Variants in ANKMY1 observed in about 807,000 individuals in gnomAD.
ANKMY1 encodes ankyrin repeat and MYND domain-containing protein 1.
A neutral mutation model predicts 102.0 loss-of-function variants in ANKMY1; 98 were observed. The ratio of observed to expected loss-of-function variants is 0.96; its 90% CI spans 0.82 to 1.14. The LOEUF is 1.14. ANKMY1 is among the 50% of genes most tolerant of loss of function. ANKMY1 has a pLI of 0.00. For missense variants in ANKMY1, 1,330 were observed against 1,347.6 expected (o/e 0.99, Z 0.20); for synonymous variants, 582 against 559.9 (o/e 1.04, Z -0.56).
rs775454913 is a variant in ANKMY1, at chr2:240,533,237, A to T, written c.481-3728T>A. On this transcript the variant is annotated intron_variant, in intron 4 of 17. Transcript: ENST00000401804. ...ATAATGTGAAAACAAGATTTTTTTT[A>T]AAATACCATATCGACCCAAATGAAG... 1.2e-4 allele frequency among the ~76,000 whole-genome samples: 19 copies of T among 152,322 alleles called. 1 individual carries two copies. Among genetic ancestry groups the T allele is most frequent in the South Asian group, 8.3e-4 (4 of 4,830 alleles).
At chr2:240,536,763 T>C (rs1035512805) in intron 4 of ANKMY1, among the ~76,000 whole-genome samples, 1 of 152,264 alleles carries the variant, frequency 6.6e-6, no homozygotes, top group African/African-American at 2.4e-5. Context: ...ATCAGGCAGT[T>C]AATAAAAAGA....
the ANKMY1 span, among the ~76,000 whole-genome samples, chr2:240,469,114 A>ACGCATTTGG: frequency 6.6e-6 from 1 of 152,172 alleles, no homozygotes; most frequent in Non-Finnish European, 1.5e-5. Context: ...GTTGTGGACA[A>ACGCATTTGG]CGCATTTGGT....
chr2:240,525,009 G>C (rs2083069415), intron 7 of ANKMY1, among the ~76,000 whole-genome samples: 1 of 152,242 alleles, frequency 6.6e-6, no homozygotes, highest in African/African-American at 2.4e-5. Flanking sequence ...CTTGAAAACT[G>C]TATTTGTTTT....
In ANKMY1 at chr2:240,499,865, C is replaced by T; in HGVS notation, c.2806+93G>A. 9.7e-6 allele frequency: 14 copies of T among 1,450,204 alleles called. No individual in the cohort carries two copies. The highest frequency in any genetic ancestry group is 8.5e-5 in the South Asian group (6 of 70,544). The allele number at this position is 1,450,204 out of a possible 1,614,324, so 89.8% of individuals were successfully genotyped here. A position where few individuals can be genotyped will look rare whatever the true frequency, so the allele number is the denominator to read the frequency against. On this transcript the variant is annotated intron_variant, in intron 15 of 17. Transcript: ENST00000401804. This position sits in a 1 kb window ranked among gnomAD's most constrained non-coding sequence, Gnocchi z 4.2. ...GCCCCAGGAAGGCCCCTCCAAGAGC[C>T]CCAGGGGGTCCAGATCTCCAGGGAT...
At chr2:240,553,289 G>A in intron 3 of ANKMY1, 1 of 553,492 alleles carries the variant, frequency 1.8e-6, no homozygotes, top group South Asian at 2.0e-5. Flanking sequence ...TCCTCAGGTG[G>A]GGGACTGTGG....
chr2:240,507,203 A>C (rs187959748), intron 13 of ANKMY1, among the ~76,000 whole-genome samples: 8 of 152,220 alleles, frequency 5.3e-5, no homozygotes, highest in African/African-American at 1.9e-4. Flanking sequence ...TAGACCACCA[A>C]GGCTTGGAGA....
chr2:240,539,310 A>G (rs62187211), intron 4 of ANKMY1, among the ~76,000 whole-genome samples: 1 of 150,776 alleles, frequency 6.6e-6, no homozygotes, highest in Non-Finnish European at 1.5e-5. Flanking sequence ...AGAGGAACGA[A>G]CAACTCCGGA....
chr2:240,492,598 TC>T (rs1370359091), intron 15 of ANKMY1, among the ~76,000 whole-genome samples: 1 of 152,242 alleles, frequency 6.6e-6, no homozygotes, highest in Non-Finnish European at 1.5e-5. Flanking sequence ...TTGATAAATT[TC>T]TCATTCATAT....
chr2:240,538,589 G>A (rs560473340), intron 4 of ANKMY1, among the ~76,000 whole-genome samples: 38 of 152,174 alleles, frequency 2.5e-4, no homozygotes, highest in East Asian at 9.7e-4. Flanking sequence ...CAGCCTCCCC[G>A]ACAGGCGCCG....
At chr2:240,516,777 C>T (rs1472147475) in intron 9 of ANKMY1, among the ~76,000 whole-genome samples, 1 of 152,210 alleles carries the variant, frequency 6.6e-6, no homozygotes, top group Non-Finnish European at 1.5e-5. Context: ...AGAGAGGAAA[C>T]TTCCAGGACT....
At chr2:240,544,981 G>A (rs1163354844) in intron 4 of ANKMY1, among the ~76,000 whole-genome samples, 1 of 152,234 alleles carries the variant, frequency 6.6e-6, no homozygotes, top group Admixed American at 6.5e-5. Context: ...AAGCAGCCGG[G>A]AAGCTCCAAC....
At position 240,509,575 on chromosome 2, in the gene ANKMY1, A is replaced by G. The variant is rs1404241865; in HGVS notation, c.2287-120T>C. The stretch of plus-strand genomic sequence containing the variant: ...GTCACTCAACGGCTACTTCCTGCCA[A>G]CCATTACCTTGCCTGACACAAGGTG... On this transcript the variant is annotated intron_variant, in intron 11 of 17. Coordinates refer to ENST00000401804, the MANE Select transcript of ANKMY1 (RefSeq NM_001282771.3). 5.7e-6 allele frequency: 4 copies of G among 700,502 alleles called. No homozygotes were observed. In the East Asian group the frequency reaches 8.7e-5, roughly 15 times the overall value. The allele number at this position is 700,502 out of a possible 1,614,324, so 43.4% of individuals were successfully genotyped here. A position where few individuals can be genotyped will look rare whatever the true frequency, so the allele number is the denominator to read the frequency against.
At position 240,552,918 on chromosome 2, in the gene ANKMY1, A is replaced by G; in HGVS notation, c.476T>C (p.Phe159Ser). 3 of 1,613,776 alleles carry G rather than the reference A, an allele frequency of 1.9e-6. No homozygotes were observed. The highest frequency in any genetic ancestry group is 2.5e-6 in the Non-Finnish European group (3 of 1,180,002). The change falls in exon 4 of 18, where the codon TTC (phenylalanine) becomes TCC (serine). Residue 159 changes from phenylalanine to serine, a missense_variant. Phe to Ser is a radical substitution (Grantham distance 155, BLOSUM62 -2). Transcript: ENST00000401804. ...AACACATGGCAGCCCCCTCACCTGG[A>G]AAAGCCGTGTCTTCATGTACATGGT... The part of the protein sequence containing the change: ...YGTMYMKTRL[F>S]QGLYKADQRF...
intron 9 of ANKMY1, among the ~76,000 whole-genome samples, chr2:240,519,141 C>T (rs1394701248): frequency 1.3e-5 from 2 of 152,210 alleles, no homozygotes; most frequent in Non-Finnish European, 2.9e-5. Context: ...GCATAATGGG[C>T]CCCCTGTTCT....
chr2:240,551,503 C>T (rs1402739837), intron 4 of ANKMY1, among the ~76,000 whole-genome samples: 4 of 152,188 alleles, frequency 2.6e-5, no homozygotes, highest in South Asian at 2.1e-4. Context: ...ACAGCCTATG[C>T]GAACCACAGT....
chr2:240,477,230 C>T (rs1156903049), downstream of ANKMY1, among the ~76,000 whole-genome samples: 1 of 152,116 alleles, frequency 6.6e-6, no homozygotes, highest in African/African-American at 2.4e-5. Context: ...GCAGGAGAAT[C>T]GCTTGAACCC....
chr2:240,514,092 C>T (rs944912979), intron 9 of ANKMY1, among the ~76,000 whole-genome samples: 1 of 152,204 alleles, frequency 6.6e-6, no homozygotes, highest in Non-Finnish European at 1.5e-5. Context: ...TGTTATGTCA[C>T]CCCTAAAACA....
At chr2:240,504,934 C>CAG (rs1405449870) in intron 13 of ANKMY1, among the ~76,000 whole-genome samples, 4 of 152,122 alleles carry the variant, frequency 2.6e-5, no homozygotes, top group Non-Finnish European at 5.9e-5. Context: ...TTGCAGTGAG[C>CAG]AGAGATCACA....
intron 4 of ANKMY1, among the ~76,000 whole-genome samples, chr2:240,536,819 C>G (rs1226039198): frequency 6.6e-6 from 1 of 152,160 alleles, no homozygotes; most frequent in Non-Finnish European, 1.5e-5. Flanking sequence ...AATGCAGCCA[C>G]TTTCTTAAAT....
Sources: allele counts gnomAD v4.1 joint callset (sites outside exome capture counted in the v4.1 genomes callset), GRCh38; gene constraint gnomAD v4.1.1; non-coding constraint Gnocchi (gnomAD v3.1); transcripts MANE v1.5; gene names NCBI Gene and HGNC (gene_info 2026-07-23, HGNC 2026-07-21).